Variants in GABRA3 observed in about 807,000 individuals in gnomAD.
GABRA3 encodes the protein gamma-aminobutyric acid receptor subunit alpha-3.
A neutral mutation model predicts 30.1 loss-of-function variants in GABRA3; 10 were observed. That is an observed-to-expected ratio of 0.33 (90% confidence interval 0.20 to 0.56). GABRA3 has a LOEUF of 0.56. Ranked by LOEUF, GABRA3 falls within the 20% of genes least tolerant of loss-of-function variation. GABRA3 has a pLI of 0.89. For synonymous variants in GABRA3, 151 were observed against 146.8 expected, an observed-to-expected ratio of 1.03 and a Z score of -0.21; for missense variants, 233 against 392.0, an observed-to-expected ratio of 0.59 and a Z score of 3.42.
At chrX:152,276,715 A>G (rs1470315093) in intron 4 of GABRA3, among the ~76,000 whole-genome samples, 1 of 112,090 alleles carries the variant, frequency 8.9e-6, no homozygotes. Context: ...AAAATACACA[A>G]AAAAGTAGAG....
At chrX:152,289,471 C>CTT (rs1218533737) in intron 3 of GABRA3, among the ~76,000 whole-genome samples, 1 of 103,656 alleles carries the variant, frequency 9.6e-6, no homozygotes, top group African/African-American at 3.5e-5. Flanking sequence ...TGTCTCCCTT[C>CTT]TTTTTTTTTT....
intron 5 of GABRA3, chrX:152,251,104 G>A (rs1404952950): frequency 3.0e-6 from 1 of 331,067 alleles, no homozygotes; most frequent in Non-Finnish European, 6.0e-6. Context: ...CCACCTTCCT[G>A]GATCCAAGGT....
intron 1 of GABRA3, among the ~76,000 whole-genome samples, chrX:152,421,301 T>A (rs1395375414): frequency 9.0e-6 from 1 of 111,000 alleles, no homozygotes. Context: ...GTAAAATTGG[T>A]TTTGTTATAT....
chrX:152,210,515 G>A (rs970719124), intron 6 of GABRA3, among the ~76,000 whole-genome samples: 3 of 112,003 alleles, frequency 2.7e-5, no homozygotes, highest in African/African-American at 6.5e-5. Context: ...GAAAGGGAAA[G>A]CATACCCTCA....
intron 1 of GABRA3, among the ~76,000 whole-genome samples, chrX:152,400,536 C>A (rs1032825031): frequency 1.1e-4 from 12 of 110,672 alleles, no homozygotes; most frequent in Non-Finnish European, 2.1e-4. Flanking sequence ...AATAAAATAA[C>A]ATTAAATAGT....
intron 2 of GABRA3, among the ~76,000 whole-genome samples, chrX:152,362,011 T>C (rs1928522936): frequency 9.0e-6 from 1 of 111,351 alleles, no homozygotes; most frequent in South Asian, 3.7e-4. Flanking sequence ...CATGAGGAGT[T>C]AACAAAACAG....
At chrX:152,322,354 C>T (rs1466380568) in intron 3 of GABRA3, among the ~76,000 whole-genome samples, 1 of 111,098 alleles carries the variant, frequency 9.0e-6, no homozygotes, top group Non-Finnish European at 1.9e-5. Context: ...GGGTAAACTG[C>T]TTAATGGATA....
chrX:152,442,574 C>A (rs1220922161), intron 1 of GABRA3, among the ~76,000 whole-genome samples: 1 of 111,103 alleles, frequency 9.0e-6, no homozygotes, highest in Admixed American at 9.6e-5. Context: ...GCTACCCATT[C>A]TATACAGATA....
chrX:152,353,771 G>A (rs1319562386), intron 2 of GABRA3, among the ~76,000 whole-genome samples: 1 of 111,013 alleles, frequency 9.0e-6, no homozygotes, highest in Non-Finnish European at 1.9e-5. Flanking sequence ...TTACAATGGC[G>A]AGTCCCGACA....
At chrX:152,445,456 T>C (rs1311732634) in intron 1 of GABRA3, among the ~76,000 whole-genome samples, 2 of 111,387 alleles carry the variant, frequency 1.8e-5, no homozygotes, top group African/African-American at 6.5e-5. Flanking sequence ...TACAATACGG[T>C]CAGTTCTTTC....
At chrX:152,408,033 TG>T (rs2084506644) in intron 1 of GABRA3, among the ~76,000 whole-genome samples, 1 of 111,308 alleles carries the variant, frequency 9.0e-6, no homozygotes, top group African/African-American at 3.3e-5. Context: ...CATCCCTTCA[TG>T]ACAAAAACTC....
At chrX:152,217,286 G>GA (rs754474710) in intron 6 of GABRA3, among the ~76,000 whole-genome samples, 5 of 110,935 alleles carry the variant, frequency 4.5e-5, no homozygotes, top group Non-Finnish European at 9.5e-5. Flanking sequence ...GTATTCCTGG[G>GA]AAAAATCTCA....
chrX:152,392,841 G>T (rs1350105808), intron 1 of GABRA3, among the ~76,000 whole-genome samples: 1 of 112,205 alleles, frequency 8.9e-6, no homozygotes, highest in Non-Finnish European at 1.9e-5. Context: ...ACACAAACTT[G>T]TTTTCGGAGA....
chrX:152,438,888 A>G (rs931023234), intron 1 of GABRA3, among the ~76,000 whole-genome samples: 1 of 111,012 alleles, frequency 9.0e-6, no homozygotes, highest in Non-Finnish European at 1.9e-5. Context: ...ATATTATACA[A>G]TAATGGTGGA....
chrX:152,447,275 T>A (rs1339103561), intron 1 of GABRA3, among the ~76,000 whole-genome samples: 1 of 111,395 alleles, frequency 9.0e-6, no homozygotes, highest in Admixed American at 9.5e-5. Flanking sequence ...CAAAGCCCTT[T>A]AATCAGTCCC....
At chrX:152,202,462 C>T (rs1937495790) in intron 7 of GABRA3, among the ~76,000 whole-genome samples, 2 of 111,847 alleles carry the variant, frequency 1.8e-5, no homozygotes, top group South Asian at 7.5e-4. Context: ...TAGGTAACTA[C>T]AATTAACAGC....
At chrX:152,378,665 A>G (rs1178915647) in intron 1 of GABRA3, among the ~76,000 whole-genome samples, 2 of 111,688 alleles carry the variant, frequency 1.8e-5, no homozygotes, top group African/African-American at 6.5e-5. Flanking sequence ...AAACCCAGAT[A>G]TATCGGCGAT....
At chrX:152,235,940 A>G (rs1430399542) in intron 5 of GABRA3, among the ~76,000 whole-genome samples, 13 of 101,923 alleles carry the variant, frequency 1.3e-4, no homozygotes, top group East Asian at 3.3e-4. Flanking sequence ...AGAACAAAGC[A>G]TTGCACTATT....
chrX:152,241,859 G>C (rs12010959), intron 5 of GABRA3, among the ~76,000 whole-genome samples: 2,510 of 111,621 alleles, frequency 0.022, 44 homozygotes, highest in Middle Eastern at 0.068. Context: ...CGCCCTGCTT[G>C]GGCTCGCACA....
Sources: allele counts gnomAD v4.1 joint callset (sites outside exome capture counted in the v4.1 genomes callset), GRCh38; gene constraint gnomAD v4.1.1; transcripts MANE v1.5; gene names NCBI Gene and HGNC (gene_info 2026-07-23, HGNC 2026-07-21).